Variants in SPATA17 observed in about 807,000 individuals in gnomAD.
SPATA17 encodes the protein spermatogenesis-associated protein 17.
SPATA17 carries 53 observed loss-of-function variants against 62.2 expected under a neutral mutation model. That is an observed-to-expected ratio of 0.85 (90% confidence interval 0.68 to 1.07). The LOEUF is 1.07. Among genes scored for constraint, SPATA17 ranks in the 50% least tolerant of loss-of-function variants. The pLI is 0.00. For synonymous variants in SPATA17, 146 were observed against 146.8 expected (o/e 0.99, Z 0.04); for missense variants, 466 against 425.5 (o/e 1.10, Z -0.84).
At chr1:217,750,085 G>A (rs1055783577) in intron 6 of SPATA17, among the ~76,000 whole-genome samples, 4 of 145,668 alleles carry the variant, frequency 2.7e-5, no homozygotes, top group Non-Finnish European at 4.5e-5. Context: ...TCACAGAAGA[G>A]GAGAAACATG....
intron 9 of SPATA17, among the ~76,000 whole-genome samples, chr1:217,836,085 G>A (rs1260100870): frequency 2.6e-5 from 4 of 152,072 alleles, no homozygotes; most frequent in Non-Finnish European, 2.9e-5. Context: ...CTTCAAGGAG[G>A]TTGAGTGCTA....
intron 9 of SPATA17, among the ~76,000 whole-genome samples, chr1:217,803,522 T>G (rs1373745994): frequency 6.6e-6 from 1 of 152,160 alleles, no homozygotes; most frequent in African/African-American, 2.4e-5. Flanking sequence ...TGAATTTAAC[T>G]AAGGAAGTAA....
intron 9 of SPATA17, among the ~76,000 whole-genome samples, chr1:217,811,577 C>G (rs930081892): frequency 6.6e-6 from 1 of 151,786 alleles, no homozygotes; most frequent in African/African-American, 2.4e-5. Context: ...CCTGTAATCC[C>G]AGCTGCTCAG....
At position 217,691,240 on chromosome 1, in the gene SPATA17, G is replaced by A. The variant is rs1003301677; in HGVS notation, c.395+7879G>A. Among the ~76,000 whole-genome samples the A allele has an allele frequency of 8.5e-3, 1,215 of 142,484 alleles. 13 individuals carry two copies. Among genetic ancestry groups the A allele is most frequent in the African/African-American group, 0.031 (1,155 of 37,722 alleles). 93.5% of individuals were successfully genotyped at this position (142,484 alleles called of 152,430 possible). On this transcript the variant is annotated intron_variant, in intron 5 of 10. Coordinates refer to ENST00000366933, the MANE Select transcript of SPATA17 (RefSeq NM_138796.4). ...TTGATTTGCATTTCTCTGATGGCCA[G>A]TGATGATGAGCATTTCTTCATGTGT...
At chr1:217,658,612 G>T (rs1670494270) in intron 3 of SPATA17, among the ~76,000 whole-genome samples, 1 of 151,996 alleles carries the variant, frequency 6.6e-6, no homozygotes, top group Middle Eastern at 3.2e-3. Context: ...CAAAAAATTA[G>T]CAGGGCGTGG....
chr1:217,682,338 C>G (rs1433997696), intron 4 of SPATA17, among the ~76,000 whole-genome samples: 3 of 150,946 alleles, frequency 2.0e-5, no homozygotes, highest in African/African-American at 7.3e-5. Flanking sequence ...GGTATGGTCT[C>G]TCAGACCCCT....
intron 6 of SPATA17, among the ~76,000 whole-genome samples, chr1:217,769,952 G>A (rs971524468): frequency 3.3e-5 from 5 of 152,164 alleles, no homozygotes; most frequent in Non-Finnish European, 7.4e-5. Context: ...TAACAGCAGG[G>A]CAATTATTTG....
At chr1:217,847,923 G>A (rs948258914) in intron 9 of SPATA17, among the ~76,000 whole-genome samples, 1 of 151,976 alleles carries the variant, frequency 6.6e-6, no homozygotes, top group African/African-American at 2.4e-5. Flanking sequence ...TCCTAGCTAT[G>A]TGGGAGGCCG....
chr1:217,739,383 G>A (rs774583356), intron 5 of SPATA17: 2 of 152,094 alleles, frequency 1.3e-5, no homozygotes, highest in Non-Finnish European at 2.9e-5. Flanking sequence ...TAACTTATTT[G>A]TTAATCACAG....
At chr1:217,664,960 C>T (rs1670661381) in intron 3 of SPATA17, among the ~76,000 whole-genome samples, 1 of 151,360 alleles carries the variant, frequency 6.6e-6, no homozygotes, top group Admixed American at 6.6e-5. Flanking sequence ...TTCAGACAAG[C>T]AAAGTCATAT....
intron 9 of SPATA17, among the ~76,000 whole-genome samples, chr1:217,811,995 A>C (rs186038459): frequency 4.6e-5 from 7 of 152,312 alleles, no homozygotes; most frequent in Admixed American, 3.3e-4. Context: ...AATGTTGAAG[A>C]AAGAAAGGGC....
At chr1:217,720,715 G>A (rs1672107245) in intron 5 of SPATA17, among the ~76,000 whole-genome samples, 2 of 152,140 alleles carry the variant, frequency 1.3e-5, no homozygotes, top group Non-Finnish European at 2.9e-5. Context: ...ATTATAATTT[G>A]TATATTATAA....
rs148409840 is a variant in SPATA17, at chr1:217,801,843, G to C, written c.998G>C (p.Cys333Ser). 1.2e-6 allele frequency: 2 copies of C among 1,602,228 alleles called. No individual in the cohort carries two copies. The highest frequency in any genetic ancestry group is 3.6e-5 in the Admixed American group (2 of 56,250). ...FRSENPKKWI[C>S]DKDFQTVLPS... is the part of the protein sequence containing the mutation. ...AGTGAAAATCCTAAGAAATGGATCT[G>C]TGACAAGGTGAGTTAACAAAACATT... The change falls in exon 9 of 11, where the codon TGT becomes TCT. Residue 333 changes from cysteine to serine, a missense_variant. Transcript: ENST00000366933.
At chr1:217,659,735 G>C (rs1194902921) in intron 3 of SPATA17, among the ~76,000 whole-genome samples, 3 of 152,050 alleles carry the variant, frequency 2.0e-5, no homozygotes, top group Admixed American at 2.0e-4. Context: ...CAGGTAAATA[G>C]TACTGCAATT....
chr1:217,631,559 T>C (rs574088050), intron 1 of SPATA17, 113 bp downstream of exon 1: 1 of 1,072,792 alleles, frequency 9.3e-7, no homozygotes, highest in African/African-American at 1.5e-5. Flanking sequence ...CATTAAGTAG[T>C]ACCCAATTCT....
At chr1:217,850,276 T>A in intron 9 of SPATA17, 4 of 339,402 alleles carry the variant, frequency 1.2e-5, no homozygotes, top group East Asian at 6.0e-5. Context: ...CAACAAAACC[T>A]TTATTAACAT....
At chr1:217,801,181 T>A (rs1229664729) in intron 8 of SPATA17, among the ~76,000 whole-genome samples, 2 of 152,158 alleles carry the variant, frequency 1.3e-5, no homozygotes, top group Admixed American at 6.5e-5. Flanking sequence ...TTCAGGTAAC[T>A]TGCATAGGGT....
At chr1:217,700,849 A>C (rs895098524) in intron 5 of SPATA17, among the ~76,000 whole-genome samples, 1 of 145,218 alleles carries the variant, frequency 6.9e-6, no homozygotes, top group South Asian at 2.2e-4. Flanking sequence ...CAAGTGATCC[A>C]CCCGCCTCAG....
chr1:217,831,505 C>T (rs1291392440), intron 9 of SPATA17, among the ~76,000 whole-genome samples: 1 of 152,086 alleles, frequency 6.6e-6, no homozygotes, highest in Admixed American at 6.6e-5. Context: ...AGGAATGCCT[C>T]TCCTAACTGC....
Sources: allele counts gnomAD v4.1 joint callset (sites outside exome capture counted in the v4.1 genomes callset), GRCh38; gene constraint gnomAD v4.1.1; transcripts MANE v1.5; gene names NCBI Gene and HGNC (gene_info 2026-07-23, HGNC 2026-07-21).